CUL1: variants seen among roughly 807,000 people sequenced by gnomAD.
CUL1 encodes cullin 1.
Under a neutral mutation model 118.0 loss-of-function variants are expected in CUL1, and 24 were observed. That is an observed-to-expected ratio of 0.20 (90% CI 0.15 to 0.29). The LOEUF is 0.29. CUL1 is among the 10% of genes least tolerant of loss of function. The pLI is 1.00. For missense variants in CUL1, 361 were observed against 933.8 expected, an observed-to-expected ratio of 0.39 and a Z score of 7.99; for synonymous variants, 332 against 340.4, an observed-to-expected ratio of 0.98 and a Z score of 0.27.
chr7:148,789,763 T>G lies in CUL1; in HGVS notation c.1611T>G (p.Ile537Met). The change falls in exon 15 of 22, where the codon ATT becomes ATG. Residue 537 changes from isoleucine to methionine, a missense_variant. Around this residue, in one of 7 missense-constraint regions of CUL1, gnomAD observed 84 missense variants for 203.3 expected, o/e 0.41. Transcript: ENST00000325222. ...TCCGTCCCACAGTGGATTTCAGCAT[T>G]CAAGTGCTGAGCTCCGGGTCCTGGC... ...NSEPLDLDFS[I>M]QVLSSGSWPF... The G allele has an allele frequency of 6.2e-7, 1 of 1,614,194 alleles. No individual in the cohort carries two copies. Among genetic ancestry groups the G allele is most frequent in the Non-Finnish European group, 8.5e-7 (1 of 1,180,020 alleles).
At position 148,797,792 on chromosome 7, in the gene CUL1, C is replaced by G. The variant is rs1283754153; in HGVS notation, c.1900-20C>G. On this transcript the variant is annotated intron_variant, in intron 17 of 21. Coordinates refer to ENST00000325222, the MANE Select transcript of CUL1 (RefSeq NM_003592.3). ...AAATGCATTTTCCCTTTAACTTCCTCTTTTTCTCTTTAATTGCAGGACATT... is the reference window on the plus strand; with the variant it reads ...AAATGCATTTTCCCTTTAACTTCCTGTTTTTCTCTTTAATTGCAGGACATT... The G allele has an allele frequency of 7.5e-6, 12 of 1,602,594 alleles. No homozygotes were observed. The highest frequency in any genetic ancestry group is 1.0e-5 in the Non-Finnish European group (12 of 1,173,404).
intron 9 of CUL1, among the ~76,000 whole-genome samples, chr7:148,770,447 T>C (rs1033468963): frequency 2.6e-5 from 4 of 152,270 alleles, no homozygotes; most frequent in East Asian, 1.9e-4. Context: ...TGTTTCTACA[T>C]TGAACTCATG....
At chr7:148,729,940 A>AT in intron 1 of CUL1, 22 bp from the exon 2 acceptor site, 1 of 676,872 alleles carries the variant, frequency 1.5e-6, no homozygotes, top group Non-Finnish European at 2.4e-6. Flanking sequence ...CAATCCACTG[A>AT]TTCTCTTTAT....
At chr7:148,783,379 A>G (rs1217219058) in intron 9 of CUL1, 1 of 985,476 alleles carries the variant, frequency 1.0e-6, no homozygotes. Flanking sequence ...TTGCCTGCCC[A>G]GCCGGGCTGA....
At chr7:148,750,144 T>C (rs1278679838) in intron 2 of CUL1, among the ~76,000 whole-genome samples, 1 of 152,198 alleles carries the variant, frequency 6.6e-6, no homozygotes, top group Non-Finnish European at 1.5e-5. Context: ...CCATCTTTTA[T>C]AACAGTAGTG....
intron 9 of CUL1, chr7:148,783,271 C>A (rs1179720359): frequency 3.2e-6 from 3 of 946,604 alleles, no homozygotes; most frequent in Non-Finnish European, 3.8e-6. Flanking sequence ...TGCGATGAGG[C>A]CCTGGCCCCC....
chr7:148,782,699 A>G (rs1483540307), intron 9 of CUL1, among the ~76,000 whole-genome samples: 2 of 152,256 alleles, frequency 1.3e-5, no homozygotes, highest in African/African-American at 2.4e-5. Context: ...CAGAAAAATC[A>G]TTCATCCTTA....
chr7:148,779,407 C>T (rs1800533747), intron 9 of CUL1, among the ~76,000 whole-genome samples: 2 of 152,092 alleles, frequency 1.3e-5, no homozygotes, highest in African/African-American at 2.4e-5. Flanking sequence ...AGGGCAGCCT[C>T]GGCCTATCTT....
chr7:148,798,668 A>G lies in CUL1; in HGVS notation c.2127A>G (p.Leu709=), dbSNP rs1319271722. 3.1e-6 allele frequency: 5 copies of G among 1,613,788 alleles called. No homozygotes were observed. The highest frequency in any genetic ancestry group is 2.7e-5 in the African/African-American group (2 of 75,028). Residue 709 remains leucine (L), a synonymous_variant, in exon 20 of 22, where the codon CTA becomes CTG. Coordinates refer to ENST00000325222, the MANE Select transcript of CUL1 (RefSeq NM_003592.3). The stretch of plus-strand genomic sequence containing the variant: ...AAAACATCGAGGAAGACCGCAAACT[A>G]CTGATTCAGGTGACTTATCTGTATG... ...THKNIEEDRK[L]LIQAAIVRIM...
At chr7:148,728,033 T>G (rs1423450259) in intron 1 of CUL1, among the ~76,000 whole-genome samples, 1 of 152,116 alleles carries the variant, frequency 6.6e-6, no homozygotes, top group Non-Finnish European at 1.5e-5. Context: ...GAATCTAGTT[T>G]AGACAACTAA....
chr7:148,747,569 AAT>A (rs1799345315), intron 2 of CUL1, among the ~76,000 whole-genome samples: 1 of 152,284 alleles, frequency 6.6e-6, no homozygotes, highest in African/African-American at 2.4e-5. Context: ...CAGAAGCCTA[AAT>A]ACCCTTAAGT....
In CUL1 at chr7:148,769,444, CACACAA is replaced by C. The variant is rs1384826762; in HGVS notation, c.1083+1697_1083+1702del. On this transcript the variant is annotated intron_variant, in intron 9 of 21. Coordinates refer to ENST00000325222, the MANE Select transcript of CUL1 (RefSeq NM_003592.3). ...ACACACACACACACACACACACACACACACAAAACGCTCACCCTCCTGTGATTCAGA... is the reference window on the plus strand; with the variant it reads ...ACACACACACACACACACACACACACAACGCTCACCCTCCTGTGATTCAGA... 2.7e-3 allele frequency among the ~76,000 whole-genome samples: 374 copies of C among 140,926 alleles called. 1 individual carries two copies. Among genetic ancestry groups the C allele is most frequent in the Middle Eastern group, 7.6e-3 (2 of 262 alleles). The allele number at this position is 140,926 out of a possible 152,430, so 92.5% of individuals were successfully genotyped here.
chr7:148,721,098 C>A (rs192161093), intron 1 of CUL1, among the ~76,000 whole-genome samples: 5 of 152,314 alleles, frequency 3.3e-5, no homozygotes, highest in Admixed American at 6.5e-5. Flanking sequence ...CTTGAACTTT[C>A]CAGTCTCAGT....
At chr7:148,730,400 T>G in intron 2 of CUL1, 138 bp downstream of exon 2, 1 of 1,091,672 alleles carries the variant, frequency 9.2e-7, no homozygotes, top group South Asian at 1.7e-5. Flanking sequence ...ATTTTTAGCC[T>G]TAAGTTTTTG....
At chr7:148,742,616 T>C (rs1799181536) in intron 2 of CUL1, among the ~76,000 whole-genome samples, 1 of 137,568 alleles carries the variant, frequency 7.3e-6, no homozygotes, top group African/African-American at 3.4e-5. Flanking sequence ...TTTTTTTTTT[T>C]GAGTTGGAGT....
chr7:148,717,455 C>T (rs995882054), intron 1 of CUL1, among the ~76,000 whole-genome samples: 6 of 152,102 alleles, frequency 3.9e-5, no homozygotes, highest in African/African-American at 1.4e-4. Context: ...TGAATTCTTT[C>T]TTACCTGTGT....
intron 1 of CUL1, among the ~76,000 whole-genome samples, chr7:148,722,327 C>T (rs1318882901): frequency 3.3e-5 from 5 of 152,216 alleles, no homozygotes; most frequent in Non-Finnish European, 5.9e-5. Flanking sequence ...TGGGACTCCC[C>T]ACTCCACTCC....
rs1801350977 is a variant in CUL1, at chr7:148,800,474, C to T, written c.2251-28C>T. ...TTTGTGTTTTTCTTCTCTTTCACTA[C>T]CTCTTCCTTTTTAAAAATAACACCC... On this transcript the variant is annotated intron_variant, in intron 21 of 21. Transcript: ENST00000325222. The surrounding 1 kb of genome is among the most constrained non-coding windows in gnomAD (Gnocchi z 4.6). The T allele has an allele frequency of 1.3e-6, 2 of 1,572,296 alleles. No individual in the cohort carries two copies. Among genetic ancestry groups the T allele is most frequent in the Non-Finnish European group, 1.8e-6 (2 of 1,142,354 alleles).
chr7:148,740,598 A>G (rs774941164), intron 2 of CUL1, among the ~76,000 whole-genome samples: 8 of 152,196 alleles, frequency 5.3e-5, no homozygotes, highest in Non-Finnish European at 1.0e-4. Flanking sequence ...ACATGTAACT[A>G]TATGATATGT....
Sources: gnomAD v4.1 joint callset for allele counts (sites outside exome capture counted in the v4.1 genomes callset) on GRCh38, gnomAD v4.1.1 for gene constraint, gnomAD v4.1.1 regional missense constraint, Gnocchi (gnomAD v3.1) non-coding constraint, MANE v1.5 for transcripts, NCBI Gene and HGNC (gene_info 2026-07-23, HGNC 2026-07-21) for gene names.